The following SLC5A12 variants were observed in gnomAD, a reference collection of about 807,000 sequenced individuals.
SLC5A12 encodes the protein sodium-coupled monocarboxylate transporter 2.
A neutral mutation model predicts 72.7 loss-of-function variants in SLC5A12; 46 were observed. That is an observed-to-expected ratio of 0.63 (90% CI 0.50 to 0.81). The LOEUF is 0.81. SLC5A12 is among the 30% of genes least tolerant of loss of function. SLC5A12 has a pLI of 0.00. For missense variants in SLC5A12, 683 were observed against 740.7 expected (o/e 0.92, Z 0.90); for synonymous variants, 275 against 264.4 (o/e 1.04, Z -0.39).
chr11:26,669,338 A>C lies in SLC5A12; in HGVS notation c.*1764T>G, dbSNP rs1469156349. On this transcript the variant is annotated 3_prime_UTR_variant, in exon 15 of 15. Coordinates refer to ENST00000396005, the MANE Select transcript of SLC5A12 (RefSeq NM_178498.4). ...ATATTCTAATTAATAAGAGTGTCAC[A>C]AATCATTTGGAAAATAATTGCACCT... is the stretch of plus-strand genomic sequence containing the variant. 6.6e-6 allele frequency: 1 copy of C among 151,686 alleles called. No homozygotes were observed. The highest frequency in any genetic ancestry group is 1.9e-4 in the East Asian group (1 of 5,180). The allele number at this position is 151,686 out of a possible 1,614,324, so 9.4% of individuals were successfully genotyped here.
Position 26,721,739 on chromosome 11 carries a change from T to C in SLC5A12, c.-25A>G, listed in dbSNP as rs372705561. 35 of 1,592,438 alleles carry C rather than the reference T, an allele frequency of 2.2e-5. No homozygotes were observed. In the African/African-American group the frequency reaches 3.7e-4, roughly 17 times the overall value. On this transcript the variant is annotated 5_prime_UTR_variant, in exon 1 of 15. Transcript: ENST00000396005. ...TATTGGAAAGTATGACACCAGAGAG[T>C]TTCTTTCAACGAGGTCTCAGGAAGA... is the stretch of plus-strand genomic sequence containing the variant.
intron 9 of SLC5A12, chr11:26,692,183 G>A: frequency 4.8e-6 from 1 of 207,974 alleles, no homozygotes; most frequent in African/African-American, 2.3e-5. Flanking sequence ...GTGTTGGGCT[G>A]CATTCAAAGC....
At chr11:26,695,876 C>T (rs1045889625) in intron 8 of SLC5A12, among the ~76,000 whole-genome samples, 97 of 152,270 alleles carry the variant, frequency 6.4e-4, no homozygotes, top group African/African-American at 2.2e-3. Flanking sequence ...CCTTAGGTGC[C>T]AGTGTTTCCT....
chr11:26,709,255 G>T, intron 4 of SLC5A12, 57 bp downstream of exon 4: 11 of 1,285,234 alleles, frequency 8.6e-6, no homozygotes, highest in Non-Finnish European at 1.2e-5. Flanking sequence ...CTGGAGATTT[G>T]CCCTTATCCC....
At chr11:26,684,837 G>A (rs953700432) in intron 10 of SLC5A12, among the ~76,000 whole-genome samples, 7 of 152,172 alleles carry the variant, frequency 4.6e-5, no homozygotes, top group Non-Finnish European at 7.3e-5. Context: ...ACTTTCTTAA[G>A]AGTAAATATT....
intron 13 of SLC5A12, among the ~76,000 whole-genome samples, chr11:26,674,846 C>T (rs557417845): frequency 6.6e-6 from 1 of 152,282 alleles, no homozygotes; most frequent in South Asian, 2.1e-4. Context: ...GTGTATTCTA[C>T]ATACTGAACA....
At chr11:26,715,467 C>G (rs1855329656) in intron 1 of SLC5A12, among the ~76,000 whole-genome samples, 1 of 152,068 alleles carries the variant, frequency 6.6e-6, no homozygotes, top group African/African-American at 2.4e-5. Context: ...TTAGAGATCC[C>G]CAGTTGGATT....
Position 26,673,391 on chromosome 11 carries a change from C to T in SLC5A12, c.1707+11G>A. 17 of 1,540,340 alleles carry T rather than the reference C, an allele frequency of 1.1e-5. No homozygotes were observed. The highest frequency in any genetic ancestry group is 1.5e-5 in the Non-Finnish European group (17 of 1,144,454). On this transcript the variant is annotated intron_variant, in intron 14 of 14. Transcript: ENST00000396005. The stretch of plus-strand genomic sequence containing the variant: ...CCATACACATTTTTAGAAGCTCAAA[C>T]ATCAGCTCACCTGCTCTGTCCCACT...
At chr11:26,695,575 C>T (rs546588558) in intron 8 of SLC5A12, among the ~76,000 whole-genome samples, 4 of 152,098 alleles carry the variant, frequency 2.6e-5, no homozygotes, top group South Asian at 4.2e-4. Context: ...AAAATCTTTA[C>T]GTGGTCAAAA....
rs887072879 is a variant in SLC5A12, at chr11:26,676,164, C to A, written c.1579+2548G>T. On this transcript the variant is annotated intron_variant, in intron 13 of 14. Coordinates refer to ENST00000396005, the MANE Select transcript of SLC5A12 (RefSeq NM_178498.4). ...TGCACAATTCCTGACAATTTATAAA[C>A]TAGTCCAGTAAATTTCTCTGATGAG... is the stretch of plus-strand genomic sequence containing the variant. Among the ~76,000 whole-genome samples the A allele has an allele frequency of 2.0e-5, 3 of 152,114 alleles. No individual in the cohort carries two copies. The South Asian group carries it at 6.2e-4, about 32-fold the overall frequency.
chr11:26,679,480 G>A (rs1386664761), intron 12 of SLC5A12, among the ~76,000 whole-genome samples: 2 of 152,072 alleles, frequency 1.3e-5, no homozygotes, highest in African/African-American at 2.4e-5. Flanking sequence ...GAAAGAAAAT[G>A]AAACTCAAAG....
intron 9 of SLC5A12, among the ~76,000 whole-genome samples, chr11:26,687,190 A>G (rs1465671826): frequency 6.6e-6 from 1 of 152,186 alleles, no homozygotes. Context: ...GTATTTTGTC[A>G]TCTTTTAAAA....
chr11:26,686,832 C>T (rs1279214464), intron 9 of SLC5A12, among the ~76,000 whole-genome samples: 1 of 152,178 alleles, frequency 6.6e-6, no homozygotes, highest in Admixed American at 6.5e-5. Context: ...TATGTGGAAA[C>T]AACATGAAAA....
Position 26,702,122 on chromosome 11 carries a change from T to G in SLC5A12, c.821+1409A>C, listed in dbSNP as rs149883155. Among the ~76,000 whole-genome samples, 788 of 152,316 alleles carry G rather than the reference T, an allele frequency of 5.2e-3. 12 individuals are homozygous for G. Among genetic ancestry groups the G allele is most frequent in the African/African-American group, 0.018 (742 of 41,568 alleles). On this transcript the variant is annotated intron_variant, in intron 6 of 14. Coordinates refer to ENST00000396005, the MANE Select transcript of SLC5A12 (RefSeq NM_178498.4). ...ATCTATTTTAGAGCAGAATTTTAAATGAAATTTTCGGATCAAAGTCACATG... is the reference window on the plus strand; with the variant it reads ...ATCTATTTTAGAGCAGAATTTTAAAGGAAATTTTCGGATCAAAGTCACATG...
rs1470705600 is a variant in SLC5A12 at position 26,670,413 on chromosome 11, G to A, written c.*689C>T. The A allele has an allele frequency of 1.3e-5, 2 of 151,990 alleles. No individual in the cohort carries two copies. The highest frequency in any genetic ancestry group is 2.9e-5 in the Non-Finnish European group (2 of 68,022). The allele number at this position is 151,990 out of a possible 1,614,324, so 9.4% of individuals were successfully genotyped here. ...ACATACTGCATGGACAGCACAAAAG[G>A]AGCAAAGTTTTTAGTTATAATCACT... is the stretch of plus-strand genomic sequence containing the variant. On this transcript the variant is annotated 3_prime_UTR_variant, in exon 15 of 15. Transcript: ENST00000396005.
chr11:26,717,129 C>G (rs1565204985), intron 1 of SLC5A12, among the ~76,000 whole-genome samples: 3 of 152,050 alleles, frequency 2.0e-5, no homozygotes, highest in Non-Finnish European at 4.4e-5. Context: ...TAATTACTAA[C>G]AATACCACCA....
chr11:26,703,993 C>G (rs965342377), intron 4 of SLC5A12, 46 bp from the exon 5 acceptor site: 1 of 1,604,554 alleles, frequency 6.2e-7, no homozygotes, highest in African/African-American at 1.3e-5. Flanking sequence ...AACCCTGTAA[C>G]TGTACTGGCT....
intron 6 of SLC5A12, among the ~76,000 whole-genome samples, chr11:26,698,805 T>A (rs1165244490): frequency 1.3e-5 from 2 of 152,188 alleles, no homozygotes; most frequent in African/African-American, 4.8e-5. Context: ...AACCTTGATA[T>A]GTGTGGTATG....
chr11:26,696,580 C>G (rs1418760351), intron 8 of SLC5A12, among the ~76,000 whole-genome samples: 1 of 152,192 alleles, frequency 6.6e-6, no homozygotes, highest in Non-Finnish European at 1.5e-5. Context: ...TAGCCTATTG[C>G]TCCACGGTTA....
Sources: gnomAD v4.1 joint callset for allele counts (sites outside exome capture counted in the v4.1 genomes callset) on GRCh38, gnomAD v4.1.1 for gene constraint, MANE v1.5 for transcripts, NCBI Gene and HGNC (gene_info 2026-07-23, HGNC 2026-07-21) for gene names.